NRXN3: variants seen among roughly 807,000 people sequenced by gnomAD.
The protein encoded by NRXN3 is neurexin III.
NRXN3 carries 32 observed loss-of-function variants against 137.6 expected under a neutral mutation model. That is an observed-to-expected ratio of 0.23 (90% confidence interval 0.18 to 0.31). NRXN3 has a LOEUF of 0.31. Ranked by LOEUF, NRXN3 falls within the 10% of genes least tolerant of loss-of-function variation. NRXN3 has a pLI of 1.00. For synonymous variants in NRXN3, 798 were observed against 784.5 expected, an observed-to-expected ratio of 1.02 and a Z score of -0.29; for missense variants, 1,574 against 2,062.5, an observed-to-expected ratio of 0.76 and a Z score of 4.59.
intron 16 of NRXN3, among the ~76,000 whole-genome samples, chr14:79,554,418 T>C (rs2097407812): frequency 6.6e-6 from 1 of 152,180 alleles, no homozygotes; most frequent in Non-Finnish European, 1.5e-5. Flanking sequence ...TCAAACCTAT[T>C]TCCTTCTTGT....
chr14:79,352,320 T>A (rs1240021519), intron 15 of NRXN3, among the ~76,000 whole-genome samples: 6 of 152,164 alleles, frequency 3.9e-5, no homozygotes, highest in Admixed American at 1.3e-4. Context: ...AATGTTATGT[T>A]CTTTCATCCA....
At chr14:79,680,494 T>C (rs887625492) in intron 17 of NRXN3, among the ~76,000 whole-genome samples, 1 of 152,008 alleles carries the variant, frequency 6.6e-6, no homozygotes, top group South Asian at 2.1e-4. Flanking sequence ...TGATCTTTAA[T>C]GAGAGTTTTG....
Position 78,242,414 on chromosome 14 carries a change from G to A in NRXN3, c.-680G>A, listed in dbSNP as rs2067196427. On this transcript the variant is annotated 5_prime_UTR_variant, in exon 2 of 21. Transcript: ENST00000335750. ...AGGTCTTTTCTCTGGAGTCCTGGGA[G>A]GCAAGTTATGGGCAGCACTGCTTCT... The A allele has an allele frequency of 6.6e-6, 1 of 152,390 alleles. No individual in the cohort carries two copies. Among genetic ancestry groups the A allele is most frequent in the Non-Finnish European group, 1.5e-5 (1 of 68,196 alleles). The allele number at this position is 152,390 out of a possible 1,614,324, so 9.4% of individuals were successfully genotyped here. A position where few individuals can be genotyped will look rare whatever the true frequency, so the allele number is the denominator to read the frequency against.
At chr14:79,708,744 G>A (rs1019120431) in intron 19 of NRXN3, among the ~76,000 whole-genome samples, 2 of 152,000 alleles carry the variant, frequency 1.3e-5, no homozygotes, top group East Asian at 1.9e-4. Context: ...TAATGCCTTG[G>A]GTTGTCTAGA....
At chr14:79,197,317 T>A (rs1357662081) in intron 15 of NRXN3, among the ~76,000 whole-genome samples, 1 of 152,150 alleles carries the variant, frequency 6.6e-6, no homozygotes, top group Non-Finnish European at 1.5e-5. Flanking sequence ...AATAAGAGAA[T>A]GAACAGACAA....
chr14:79,345,931 G>A (rs1018847614), intron 15 of NRXN3, among the ~76,000 whole-genome samples: 4 of 152,072 alleles, frequency 2.6e-5, no homozygotes, highest in Non-Finnish European at 5.9e-5. Context: ...AAAAATGGCC[G>A]AACACACAAG....
At chr14:79,151,506 C>T (rs1052862424) in intron 15 of NRXN3, among the ~76,000 whole-genome samples, 1 of 152,064 alleles carries the variant, frequency 6.6e-6, no homozygotes, top group Non-Finnish European at 1.5e-5. Context: ...TGCCACGAAT[C>T]AACTGGAGTT....
chr14:79,749,884 A>T (rs1231603483), intron 19 of NRXN3, among the ~76,000 whole-genome samples: 1 of 152,198 alleles, frequency 6.6e-6, no homozygotes, highest in Admixed American at 6.5e-5. Context: ...TGTATAGCAG[A>T]TTGACAATAA....
chr14:79,417,170 G>A (rs919170637), intron 15 of NRXN3, among the ~76,000 whole-genome samples: 1 of 152,098 alleles, frequency 6.6e-6, no homozygotes, highest in African/African-American at 2.4e-5. Flanking sequence ...TCATAGGCCA[G>A]GAATAGGTAT....
At chr14:78,875,445 T>G (rs2099111774) in intron 10 of NRXN3, among the ~76,000 whole-genome samples, 1 of 148,318 alleles carries the variant, frequency 6.7e-6, no homozygotes, top group Non-Finnish European at 1.5e-5. Flanking sequence ...CTGTAGTTTT[T>G]AAACTTAAAG....
chr14:79,734,909 G>C (rs1389191365), intron 19 of NRXN3, among the ~76,000 whole-genome samples: 1 of 152,100 alleles, frequency 6.6e-6, no homozygotes, highest in African/African-American at 2.4e-5. Flanking sequence ...GAGAAAGCTG[G>C]CTACAAATCT....
At position 79,486,957 on chromosome 14, in the gene NRXN3, CTCT is replaced by C. The variant is rs1567258955; in HGVS notation, c.3444+19556_3444+19558del. 4.4e-4 allele frequency among the ~76,000 whole-genome samples: 65 copies of C among 147,728 alleles called. 2 individuals are homozygous for C. The highest frequency in any genetic ancestry group is 1.6e-3 in the African/African-American group (62 of 38,332). On this transcript the variant is annotated intron_variant, in intron 16 of 20. Coordinates refer to ENST00000335750, the MANE Select transcript of NRXN3 (RefSeq NM_001330195.2). ...TCTCTCTCTCTCTCTCTCTCTCTCT[CTCT>C]CCCACACACACACACCCCAAGATAA...
intron 16 of NRXN3, among the ~76,000 whole-genome samples, chr14:79,621,094 G>A (rs958087401): frequency 6.6e-6 from 1 of 152,128 alleles, no homozygotes; most frequent in Non-Finnish European, 1.5e-5. Context: ...AACAAGTAAT[G>A]TCAGCATTAG....
intron 8 of NRXN3, among the ~76,000 whole-genome samples, chr14:78,719,416 G>A (rs1334916507): frequency 5.2e-5 from 1 of 19,192 alleles, no homozygotes; most frequent in Non-Finnish European, 1.2e-4. Flanking sequence ...TGTGATCCTG[G>A]GTAGCAGCAG....
rs7494376 is a variant in NRXN3 at position 79,376,214 on chromosome 14, G to A, written c.3263-91007G>A. On this transcript the variant is annotated intron_variant, in intron 15 of 20. Transcript: ENST00000335750. The stretch of plus-strand genomic sequence containing the variant: ...CATGTGGGTGTGTGTGTGTGTGTAT[G>A]TATATATATATATATATATATATAT... 2.8e-3 allele frequency among the ~76,000 whole-genome samples: 200 copies of A among 71,042 alleles called. 5 individuals carry two copies. Among genetic ancestry groups the A allele is most frequent in the African/African-American group, 8.2e-3 (149 of 18,108 alleles). 46.6% of individuals were successfully genotyped at this position (71,042 alleles called of 152,430 possible). A position where few individuals can be genotyped will look rare whatever the true frequency, so the allele number is the denominator to read the frequency against.
intron 15 of NRXN3, among the ~76,000 whole-genome samples, chr14:79,429,638 A>G (rs1444216708): frequency 1.2e-4 from 19 of 152,216 alleles, no homozygotes; most frequent in Admixed American, 1.2e-3. Context: ...ACGATCGCCA[A>G]ATGATAGCAG....
chr14:79,639,282 G>A (rs1201008101), intron 16 of NRXN3, among the ~76,000 whole-genome samples: 2 of 152,038 alleles, frequency 1.3e-5, no homozygotes, highest in Non-Finnish European at 2.9e-5. Flanking sequence ...TCATGTCACC[G>A]GGCTTTGCTC....
intron 4 of NRXN3, among the ~76,000 whole-genome samples, chr14:78,409,499 T>C (rs1418184735): frequency 1.3e-5 from 2 of 152,222 alleles, no homozygotes; most frequent in Non-Finnish European, 2.9e-5. Context: ...TGCCCTTCCT[T>C]TGCATTCAAA....
intron 4 of NRXN3, among the ~76,000 whole-genome samples, chr14:78,375,537 A>G (rs1308936454): frequency 2.0e-5 from 3 of 152,196 alleles, no homozygotes; most frequent in African/African-American, 7.2e-5. Flanking sequence ...AGCTCCTATT[A>G]TGTGCCAGGA....
Sources: gnomAD v4.1 joint callset for allele counts (sites outside exome capture counted in the v4.1 genomes callset) on GRCh38, gnomAD v4.1.1 for gene constraint, MANE v1.5 for transcripts, NCBI Gene and HGNC (gene_info 2026-07-23, HGNC 2026-07-21) for gene names.